QPCT: variants seen among roughly 807,000 people sequenced by gnomAD.
QPCT encodes EC.
Under a neutral mutation model 43.4 loss-of-function variants are expected in QPCT, and 44 were observed. The observed-to-expected ratio is 1.01, with a 90% confidence interval of 0.80 to 1.30. The LOEUF (loss-of-function observed/expected upper bound fraction) is 1.30. Among genes scored for constraint, QPCT ranks in the 50% most tolerant of loss-of-function variants. QPCT has a pLI of 0.00. For missense variants in QPCT, 526 were observed against 436.5 expected (o/e 1.21, Z -1.83); for synonymous variants, 168 against 168.4 (o/e 1.00, Z 0.02).
chr2:37,353,066 C>A, intron 2 of QPCT, 131 bp downstream of exon 2: 1 of 1,103,398 alleles, frequency 9.1e-7, no homozygotes, highest in Non-Finnish European at 1.3e-6. Context: ...AAATAGTCAA[C>A]CAAGAAAAAT....
chr2:37,372,682 G>A lies in QPCT; in HGVS notation c.941G>A (p.Gly314Asp), dbSNP rs753187914. 3.1e-6 allele frequency: 5 copies of A among 1,611,844 alleles called. No homozygotes were observed. The South Asian group carries it at 4.4e-5, about 14-fold the overall frequency. ...TTACAAGTTGGTTCTTTCTTAATAG[G>A]TGTTCCAGTTCTGCATCTGATACCG... ...QDDHIPFLRR[G>D]VPVLHLIPSP... is the part of the protein sequence containing the mutation. Residue 314 changes from glycine to aspartate, a missense_variant and splice_region_variant, in exon 7 of 7, where the codon GGT becomes GAT. Coordinates refer to ENST00000338415, the MANE Select transcript of QPCT (RefSeq NM_012413.4).
In QPCT at chr2:37,344,665, G is replaced by T; in HGVS notation, c.-67G>T. 6.5e-7 allele frequency: 1 copy of T among 1,535,900 alleles called. No homozygotes were observed. Among genetic ancestry groups the T allele is most frequent in the South Asian group, 1.2e-5 (1 of 83,322 alleles). The stretch of plus-strand genomic sequence containing the variant: ...AGGGTGGAGAAGAGGGAAGGCGAAG[G>T]ACGCGCGTTCCCGGGCTCGTGACCG... On this transcript the variant is annotated 5_prime_UTR_variant, in exon 1 of 7. Coordinates refer to ENST00000338415, the MANE Select transcript of QPCT (RefSeq NM_012413.4).
chr2:37,354,735 G>T (rs1431961631), intron 2 of QPCT, among the ~76,000 whole-genome samples: 1 of 152,078 alleles, frequency 6.6e-6, no homozygotes, highest in African/African-American at 2.4e-5. Context: ...AGAAGGCCAG[G>T]GCATTTAATT....
intron 5 of QPCT, among the ~76,000 whole-genome samples, chr2:37,371,510 T>C (rs956980512): frequency 6.0e-5 from 9 of 151,008 alleles, no homozygotes; most frequent in African/African-American, 2.2e-4. Flanking sequence ...GACAAGAATA[T>C]TGTTTTTGGT....
intron 1 of QPCT, among the ~76,000 whole-genome samples, chr2:37,349,762 GTAGCCA>G (rs1231311300): frequency 6.6e-6 from 1 of 152,166 alleles, no homozygotes; most frequent in Non-Finnish European, 1.5e-5. Flanking sequence ...ATTGCAGCAG[GTAGCCA>G]CCTGTCTCTT....
At chr2:37,352,292 T>C (rs1034163303) in intron 1 of QPCT, among the ~76,000 whole-genome samples, 4 of 152,116 alleles carry the variant, frequency 2.6e-5, no homozygotes, top group African/African-American at 9.7e-5. Flanking sequence ...CTATACTGTG[T>C]AAGATTTACT....
chr2:37,355,852 G>C (rs1331053257), intron 2 of QPCT, among the ~76,000 whole-genome samples: 1 of 151,998 alleles, frequency 6.6e-6, no homozygotes, highest in African/African-American at 2.4e-5. Context: ...AACTTCAGGG[G>C]GTAAAATCCC....
chr2:37,350,848 G>A (rs1288873369), intron 1 of QPCT, among the ~76,000 whole-genome samples: 2 of 152,338 alleles, frequency 1.3e-5, no homozygotes, highest in African/African-American at 2.4e-5. Context: ...GTTTACATAT[G>A]TTAGTTCACT....
At chr2:37,369,128 G>A (rs530342550) in intron 4 of QPCT, among the ~76,000 whole-genome samples, 2 of 152,294 alleles carry the variant, frequency 1.3e-5, no homozygotes, top group East Asian at 3.9e-4. Context: ...GCTATAACCA[G>A]AAGGAAACTT....
chr2:37,348,024 G>C (rs979067792), intron 1 of QPCT, among the ~76,000 whole-genome samples: 1 of 113,008 alleles, frequency 8.8e-6, no homozygotes, highest in Admixed American at 1.0e-4. Flanking sequence ...AACCATTTTG[G>C]TGTTTTTATT....
chr2:37,366,039 G>T (rs1672952422), intron 3 of QPCT, among the ~76,000 whole-genome samples: 1 of 152,240 alleles, frequency 6.6e-6, no homozygotes, highest in South Asian at 2.1e-4. Context: ...AAAGGGGCAA[G>T]GGAGTTGAGG....
In QPCT at chr2:37,359,777, A is replaced by G. The variant is rs1572733615; in HGVS notation, c.465A>G (p.Val155=). The part of the protein sequence containing the change: ...YFSHWNNRVF[V]GATDSAVPCA... Reference sequence around the variant, plus strand: ...CCCACTGGAACAACAGAGTGTTTGTAGGAGCCACTGATTCAGCCGTGCCAT... The same window carrying G: ...CCCACTGGAACAACAGAGTGTTTGTGGGAGCCACTGATTCAGCCGTGCCAT... Residue 155 remains valine, a synonymous_variant, in exon 3 of 7, where the codon GTA becomes GTG. Transcript: ENST00000338415. 6.2e-7 allele frequency: 1 copy of G among 1,614,230 alleles called. No individual in the cohort carries two copies. The highest frequency in any genetic ancestry group is 1.1e-5 in the South Asian group (1 of 91,086).
chr2:37,367,640 G>C (rs891723849), intron 4 of QPCT, among the ~76,000 whole-genome samples: 4 of 152,178 alleles, frequency 2.6e-5, no homozygotes, highest in Admixed American at 2.6e-4. Context: ...GGGAGGTTGA[G>C]GTGGGAGGAT....
rs923043231 is a variant in QPCT, at chr2:37,372,800, C to T, written c.1059C>T (p.Val353=). Reference sequence around the variant, plus strand: ...ACAATCTAAACAAAATCCTACAAGTCTTTGTGTTGGAATATCTTCATTTGT... The same window carrying T: ...ACAATCTAAACAAAATCCTACAAGTTTTTGTGTTGGAATATCTTCATTTGT... ...TIDNLNKILQ[V]FVLEYLHL The change falls in exon 7 of 7, where the codon GTC becomes GTT. Residue 353 remains valine (V), a synonymous_variant. Coordinates refer to ENST00000338415, the MANE Select transcript of QPCT (RefSeq NM_012413.4). The T allele has an allele frequency of 1.9e-6, 3 of 1,611,556 alleles. No individual in the cohort carries two copies. In the Admixed American group the frequency reaches 5.0e-5, roughly 27 times the overall value.
chr2:37,364,335 A>G (rs974872857), intron 3 of QPCT, among the ~76,000 whole-genome samples: 1 of 152,190 alleles, frequency 6.6e-6, no homozygotes, highest in South Asian at 2.1e-4. Flanking sequence ...CTGCAGGTTG[A>G]TGGTGAGGGG....
intron 1 of QPCT, among the ~76,000 whole-genome samples, chr2:37,351,751 A>G (rs1481410640): frequency 1.3e-5 from 2 of 152,090 alleles, no homozygotes; most frequent in Non-Finnish European, 2.9e-5. Context: ...GCATGGTGGC[A>G]TGCACCTGTA....
At chr2:37,365,058 A>C (rs1383341798) in intron 3 of QPCT, among the ~76,000 whole-genome samples, 4 of 149,706 alleles carry the variant, frequency 2.7e-5, no homozygotes, top group Non-Finnish European at 5.9e-5. Flanking sequence ...TATATATATA[A>C]CAATACACAC....
chr2:37,352,788 G>C lies in QPCT; in HGVS notation c.121-1G>C. 6.2e-7 allele frequency: 1 copy of C among 1,613,666 alleles called. No homozygotes were observed. The highest frequency in any genetic ancestry group is 8.5e-7 in the Non-Finnish European group (1 of 1,179,642). On this transcript the variant is annotated splice_acceptor_variant, in intron 1 of 6. Coordinates refer to ENST00000338415, the MANE Select transcript of QPCT (RefSeq NM_012413.4). LOFTEE classifies it high-confidence loss of function. ...GTTAAATGATTTCATTCAATCCTCA[G>C]AATTACCACCAGCCAGCCATTTTGA...
At position 37,352,824 on chromosome 2, in the gene QPCT, T is replaced by G. The variant is rs775311582; in HGVS notation, c.156T>G (p.Ala52=). The G allele has an allele frequency of 6.2e-7, 1 of 1,614,058 alleles. No homozygotes were observed. Among genetic ancestry groups the G allele is most frequent in the African/African-American group, 1.3e-5 (1 of 74,932 alleles). The change falls in exon 2 of 7, where the codon GCT becomes GCG. Residue 52 remains alanine (A), a synonymous_variant. Coordinates refer to ENST00000338415, the MANE Select transcript of QPCT (RefSeq NM_012413.4). ...AGCCAGCCATTTTGAATTCATCGGC[T>G]CTTCGGCAAATTGCAGAAGGCACCA... ...YHQPAILNSS[A]LRQIAEGTSI...
Sources: gnomAD v4.1 joint callset for allele counts (sites outside exome capture counted in the v4.1 genomes callset) on GRCh38, gnomAD v4.1.1 for gene constraint, MANE v1.5 for transcripts, NCBI Gene and HGNC (gene_info 2026-07-23, HGNC 2026-07-21) for gene names.